The following DIAPH3 variants were observed in gnomAD, a reference collection of about 807,000 sequenced individuals.
DIAPH3 encodes the protein diaphanous related formin 3.
A neutral mutation model predicts 144.3 loss-of-function variants in DIAPH3; 117 were observed. The observed-to-expected ratio is 0.81, with a 90% CI of 0.70 to 0.95. The LOEUF is 0.95. Among genes scored for constraint, DIAPH3 ranks in the 40% least tolerant of loss-of-function variants. The pLI is 0.00. For synonymous variants in DIAPH3, 519 were observed against 488.9 expected, an observed-to-expected ratio of 1.06 and a Z score of -0.81; for missense variants, 1,421 against 1,412.7, an observed-to-expected ratio of 1.01 and a Z score of -0.09.
intron 2 of DIAPH3, among the ~76,000 whole-genome samples, chr13:60,118,007 T>C (rs2058742123): frequency 6.6e-6 from 1 of 152,172 alleles, no homozygotes. Flanking sequence ...GTTAAACATA[T>C]GCAAGACTGA....
At chr13:59,698,916 C>T (rs1366048709) in intron 27 of DIAPH3, among the ~76,000 whole-genome samples, 4 of 152,194 alleles carry the variant, frequency 2.6e-5, no homozygotes, top group African/African-American at 9.7e-5. Context: ...ATTATGTCCT[C>T]TCTCCTTTTT....
intron 25 of DIAPH3, among the ~76,000 whole-genome samples, chr13:59,802,931 G>A (rs1182555670): frequency 6.6e-6 from 1 of 151,228 alleles, no homozygotes; most frequent in Admixed American, 6.6e-5. Flanking sequence ...TGATCCACCC[G>A]CCTCGGCCTC....
intron 1 of DIAPH3, among the ~76,000 whole-genome samples, chr13:60,163,030 C>G (rs1248400959): frequency 6.6e-6 from 1 of 152,172 alleles, no homozygotes; most frequent in Non-Finnish European, 1.5e-5. Context: ...AATCATGACA[C>G]TTTCCTTAAG....
chr13:60,067,357 A>G (rs2057011323), intron 4 of DIAPH3, among the ~76,000 whole-genome samples: 1 of 152,116 alleles, frequency 6.6e-6, no homozygotes, highest in Admixed American at 6.6e-5. Context: ...GCATTTACTC[A>G]ACCAACATTT....
chr13:59,871,945 C>T (rs908482847), intron 21 of DIAPH3, among the ~76,000 whole-genome samples: 3 of 152,120 alleles, frequency 2.0e-5, no homozygotes, highest in Non-Finnish European at 2.9e-5. Flanking sequence ...GTCCCTCTTT[C>T]GTTTTTGATA....
At chr13:59,845,890 G>A (rs192568645) in intron 22 of DIAPH3, among the ~76,000 whole-genome samples, 60 of 152,120 alleles carry the variant, frequency 3.9e-4, no homozygotes, top group African/African-American at 8.9e-4. Flanking sequence ...TTGTATTTTC[G>A]TTACAAAACA....
rs557482666 is a variant in DIAPH3, at chr13:59,777,046, A to G, written c.3164-2223T>C. ...ACTAGTCCTAAAATCTTCGTTTCTA[A>G]TGACCTCTCTCGCCCTCAGATCTTG... On this transcript the variant is annotated intron_variant, in intron 25 of 27. Coordinates refer to ENST00000400324, the MANE Select transcript of DIAPH3 (RefSeq NM_001042517.2). 4.7e-4 allele frequency among the ~76,000 whole-genome samples: 71 copies of G among 152,280 alleles called. 1 individual carries two copies. Among genetic ancestry groups the G allele is most frequent in the Admixed American group, 1.2e-3 (19 of 15,296 alleles).
At chr13:59,866,769 A>G (rs543809303) in intron 21 of DIAPH3, among the ~76,000 whole-genome samples, 1 of 152,190 alleles carries the variant, frequency 6.6e-6, no homozygotes, top group African/African-American at 2.4e-5. Flanking sequence ...TCCCATCTCA[A>G]ATCTTTTGCA....
At chr13:59,675,144 T>C (rs897853720) in intron 27 of DIAPH3, among the ~76,000 whole-genome samples, 7 of 152,178 alleles carry the variant, frequency 4.6e-5, no homozygotes, top group Non-Finnish European at 8.8e-5. Context: ...TGGCTCATTG[T>C]AGCCTTGAAC....
intron 24 of DIAPH3, among the ~76,000 whole-genome samples, chr13:59,817,125 T>C (rs920156949): frequency 7.9e-5 from 12 of 151,920 alleles, no homozygotes; most frequent in African/African-American, 2.2e-4. Flanking sequence ...TCATGGTCTC[T>C]AGTATGTAAC....
intron 4 of DIAPH3, among the ~76,000 whole-genome samples, chr13:60,081,862 G>A (rs1375496154): frequency 6.6e-6 from 1 of 151,950 alleles, no homozygotes; most frequent in Non-Finnish European, 1.5e-5. Context: ...ACTACAAGAG[G>A]CCCAGAAAAG....
chr13:59,701,065 T>C (rs1248711900), intron 27 of DIAPH3, among the ~76,000 whole-genome samples: 2 of 152,170 alleles, frequency 1.3e-5, no homozygotes, highest in African/African-American at 4.8e-5. Context: ...TATATATACA[T>C]TGCATGTATG....
At chr13:60,051,147 A>G (rs957401630) in intron 4 of DIAPH3, among the ~76,000 whole-genome samples, 1 of 152,160 alleles carries the variant, frequency 6.6e-6, no homozygotes, top group African/African-American at 2.4e-5. Context: ...GACAACTCTT[A>G]GGAGATTTTC....
chr13:59,688,404 T>G (rs781309930), intron 27 of DIAPH3, among the ~76,000 whole-genome samples: 1 of 151,996 alleles, frequency 6.6e-6, no homozygotes, highest in African/African-American at 2.4e-5. Context: ...AAATAATAAC[T>G]GAAAAGGTCA....
chr13:59,765,350 A>G (rs1195942378), intron 27 of DIAPH3, among the ~76,000 whole-genome samples: 2 of 152,210 alleles, frequency 1.3e-5, no homozygotes, highest in African/African-American at 4.8e-5. Flanking sequence ...AGGAATGAGA[A>G]AGTGCCAGCG....
In DIAPH3 at chr13:60,008,622, A is replaced by T. The variant is rs2053043290; in HGVS notation, c.936T>A (p.Thr312=). The change falls in exon 9 of 28, where the codon ACT becomes ACA. Residue 312 remains threonine (T), a synonymous_variant. Transcript: ENST00000400324. ...SILEEVLEAL[T]SAGEEKKIDR... Reference sequence around the variant, plus strand: ...CAATTTTTTTTTCTTCACCAGCTGAAGTTAAAGCTTCTAAAACTTCTTCAA... The same window carrying T: ...CAATTTTTTTTTCTTCACCAGCTGATGTTAAAGCTTCTAAAACTTCTTCAA... 6.2e-7 allele frequency: 1 copy of T among 1,613,588 alleles called. No homozygotes were observed. The highest frequency in any genetic ancestry group is 1.7e-5 in the Admixed American group (1 of 59,980).
At chr13:59,895,053 TAAAC>T (rs1189633713) in intron 20 of DIAPH3, among the ~76,000 whole-genome samples, 1 of 152,136 alleles carries the variant, frequency 6.6e-6, no homozygotes, top group Non-Finnish European at 1.5e-5. Flanking sequence ...TGAGAACCCT[TAAAC>T]AAATTAAAAT....
chr13:59,882,921 C>T (rs896895311), intron 20 of DIAPH3, among the ~76,000 whole-genome samples: 1 of 152,088 alleles, frequency 6.6e-6, no homozygotes, highest in Non-Finnish European at 1.5e-5. Context: ...TGTAACCCCC[C>T]CACACACAGA....
chr13:59,865,000 T>C lies in DIAPH3; in HGVS notation c.2608-3464A>G, dbSNP rs112965536. ...GAGGTTCAGAAAAGAAGCATGTTGTTGATCATGCATGGTGTCTCATTTATA... is the reference window on the plus strand; with the variant it reads ...GAGGTTCAGAAAAGAAGCATGTTGTCGATCATGCATGGTGTCTCATTTATA... On this transcript the variant is annotated intron_variant, in intron 21 of 27. Coordinates refer to ENST00000400324, the MANE Select transcript of DIAPH3 (RefSeq NM_001042517.2). Among the ~76,000 whole-genome samples, 394 of 152,196 alleles carry C rather than the reference T, an allele frequency of 2.6e-3. 1 individual carries two copies. Among genetic ancestry groups the C allele is most frequent in the African/African-American group, 8.9e-3 (370 of 41,568 alleles).
Sources: gnomAD v4.1 joint callset for allele counts (sites outside exome capture counted in the v4.1 genomes callset) on GRCh38, gnomAD v4.1.1 for gene constraint, MANE v1.5 for transcripts, NCBI Gene and HGNC (gene_info 2026-07-23, HGNC 2026-07-21) for gene names.